Variants in ATAD2B observed in about 807,000 individuals in gnomAD.
ATAD2B encodes the protein ATPase family AAA domain-containing protein 2B.
In ATAD2B, 40 loss-of-function variants were observed where a neutral mutation model predicts 167.6. That is an observed-to-expected ratio of 0.24 (90% CI 0.19 to 0.31). ATAD2B has a LOEUF of 0.31. Ranked by LOEUF, ATAD2B falls within the 10% of genes least tolerant of loss-of-function variation. The probability of loss-of-function intolerance (pLI) is 1.00; values close to 1 mark genes in which losing one functional copy is unlikely to be tolerated. For synonymous variants in ATAD2B, 579 were observed against 596.5 expected (o/e 0.97, Z 0.43); for missense variants, 1,242 against 1,757.2 (o/e 0.71, Z 5.24).
At chr2:23,709,471 C>T in the ATAD2B span, among the ~76,000 whole-genome samples, 1 of 152,198 alleles carries the variant, frequency 6.6e-6, no homozygotes, top group East Asian at 1.9e-4. Context: ...GTGCCAGGCT[C>T]CCTGGGGAGA....
At chr2:23,747,851 G>A (rs1027650681), downstream of ATAD2B, among the ~76,000 whole-genome samples, 1 of 152,016 alleles carries the variant, frequency 6.6e-6, no homozygotes, top group African/African-American at 2.4e-5. Flanking sequence ...ACATGAAATA[G>A]ATTTAAAGAT....
chr2:23,803,338 A>ACACACACG (rs756577548), intron 18 of ATAD2B, among the ~76,000 whole-genome samples: 11,202 of 150,526 alleles, frequency 0.074, 522 homozygotes, highest in Non-Finnish European at 0.11. Context: ...ACACACACAC[A>ACACACACG]CGCGCACGCA....
the ATAD2B span, chr2:23,696,962 T>A: frequency 6.1e-6 from 1 of 162,710 alleles, no homozygotes. This position sits in a 1 kb window ranked among gnomAD's most constrained non-coding sequence, Gnocchi z 5.5. Flanking sequence ...CTCCTTGTCC[T>A]GCCAAGCGGG....
rs1700086768 is a variant in ATAD2B at position 23,895,867 on chromosome 2, C to T, written c.320G>A (p.Arg107Gln). ...CCATTCCTCTCGCTGACCAGTACTT[C>T]GTGATTTTGATTTGTCTTTGCAAAC... is the stretch of plus-strand genomic sequence containing the variant. Reference protein sequence around the residue: ...DSVCKDKSKSRSTGQREEWNL... With the variant: ...DSVCKDKSKSQSTGQREEWNL... Residue 107 changes from arginine to glutamine, a missense_variant, in exon 2 of 28, where the codon CGA becomes CAA. Coordinates refer to ENST00000238789, the MANE Select transcript of ATAD2B (RefSeq NM_017552.4). The T allele has an allele frequency of 1.2e-6, 2 of 1,613,098 alleles. No homozygotes were observed. Among genetic ancestry groups the T allele is most frequent in the Non-Finnish European group, 1.7e-6 (2 of 1,179,382 alleles).
chr2:23,796,051 A>C (rs1348852715), intron 19 of ATAD2B, among the ~76,000 whole-genome samples: 1 of 152,188 alleles, frequency 6.6e-6, no homozygotes, highest in Non-Finnish European at 1.5e-5. Context: ...TGGGAAACAT[A>C]ATGAGACTTC....
At chr2:23,822,601 T>C (rs1041256666) in intron 16 of ATAD2B, among the ~76,000 whole-genome samples, 37 of 151,264 alleles carry the variant, frequency 2.4e-4, no homozygotes, top group Non-Finnish European at 4.0e-4. Flanking sequence ...ATAATCAGAG[T>C]GCTTACCTGC....
intron 22 of ATAD2B, among the ~76,000 whole-genome samples, chr2:23,776,094 A>G (rs1368096425): frequency 6.6e-6 from 1 of 152,150 alleles, no homozygotes; most frequent in Non-Finnish European, 1.5e-5. Flanking sequence ...CCAGCCTGGC[A>G]ACAGAGCAAG....
At position 23,751,914 on chromosome 2, in the gene ATAD2B, G is replaced by A; in HGVS notation, c.*132C>T. The A allele has an allele frequency of 1.4e-6, 1 of 739,600 alleles. No individual in the cohort carries two copies. The highest frequency in any genetic ancestry group is 2.2e-6 in the Non-Finnish European group (1 of 447,016). The allele number at this position is 739,600 out of a possible 1,614,324, so 45.8% of individuals were successfully genotyped here. A position where few individuals can be genotyped will look rare whatever the true frequency, so the allele number is the denominator to read the frequency against. On this transcript the variant is annotated 3_prime_UTR_variant, in exon 28 of 28. Coordinates refer to ENST00000238789, the MANE Select transcript of ATAD2B (RefSeq NM_017552.4). ...AGACAATAGCACCAAATTCAACAGA[G>A]AGAAAGAATGAGTGAGAGAGCACTT...
At chr2:23,726,322 T>G in the ATAD2B span, among the ~76,000 whole-genome samples, 1 of 152,258 alleles carries the variant, frequency 6.6e-6, no homozygotes, top group Non-Finnish European at 1.5e-5. Flanking sequence ...TAACTACTAA[T>G]AGCCTGCTGT....
chr2:23,799,414 A>G (rs989987290), intron 18 of ATAD2B, among the ~76,000 whole-genome samples: 3 of 151,734 alleles, frequency 2.0e-5, no homozygotes, highest in Non-Finnish European at 4.4e-5. Context: ...CTCTACTAAA[A>G]ATCCAAAAAT....
chr2:23,903,779 A>G (rs1435046370), intron 1 of ATAD2B, among the ~76,000 whole-genome samples: 1 of 152,228 alleles, frequency 6.6e-6, no homozygotes, highest in Non-Finnish European at 1.5e-5. Context: ...TAATTAGCAG[A>G]CCACTAGATT....
the ATAD2B span, among the ~76,000 whole-genome samples, chr2:23,717,745 G>T: frequency 6.6e-6 from 1 of 152,114 alleles, no homozygotes; most frequent in Admixed American, 6.5e-5. Context: ...ACTGCAGAAA[G>T]ACATGGCTAC....
intron 5 of ATAD2B, among the ~76,000 whole-genome samples, chr2:23,885,369 T>C (rs1698516693): frequency 6.6e-6 from 1 of 152,208 alleles, no homozygotes; most frequent in African/African-American, 2.4e-5. Flanking sequence ...TGTTTACACT[T>C]AGGCAATGGT....
chr2:23,872,319 C>A, intron 8 of ATAD2B: 1 of 565,102 alleles, frequency 1.8e-6, no homozygotes. Context: ...CCAGGAACTG[C>A]ATGCACCTGA....
chr2:23,880,603 C>A, intron 7 of ATAD2B, 36 bp downstream of exon 7: 3 of 1,173,996 alleles, frequency 2.6e-6, no homozygotes, highest in Non-Finnish European at 2.5e-6. Flanking sequence ...AGTTACTCAA[C>A]TACCAGAAAG....
chr2:23,765,694 TAAA>T, intron 22 of ATAD2B, 66 bp from the exon 23 acceptor site: 1 of 1,059,794 alleles, frequency 9.4e-7, no homozygotes, highest in Non-Finnish European at 1.3e-6. Context: ...AAGGACATCT[TAAA>T]AAGTAAAAGA....
intron 13 of ATAD2B, among the ~76,000 whole-genome samples, chr2:23,836,169 G>A (rs974962000): frequency 1.3e-5 from 2 of 152,176 alleles, no homozygotes; most frequent in Non-Finnish European, 2.9e-5. Flanking sequence ...GTTTGAGAGA[G>A]CAAGTGTGAG....
chr2:23,681,925 G>A, the ATAD2B span, among the ~76,000 whole-genome samples: 257 of 152,146 alleles, frequency 1.7e-3, no homozygotes, highest in Admixed American at 4.2e-3. The surrounding 1 kb of genome is among the most constrained non-coding windows in gnomAD (Gnocchi z 4.2). Context: ...TCTCCCCTCC[G>A]CCTGGGCTGT....
chr2:23,894,991 T>G (rs1465272666), intron 2 of ATAD2B, among the ~76,000 whole-genome samples: 1 of 152,112 alleles, frequency 6.6e-6, no homozygotes, highest in Non-Finnish European at 1.5e-5. Flanking sequence ...CACTAGAGAA[T>G]AAAAGTATCC....
Sources: gnomAD v4.1 joint callset for allele counts (sites outside exome capture counted in the v4.1 genomes callset) on GRCh38, gnomAD v4.1.1 for gene constraint, Gnocchi (gnomAD v3.1) non-coding constraint, MANE v1.5 for transcripts, NCBI Gene and HGNC (gene_info 2026-07-23, HGNC 2026-07-21) for gene names.